The following VPS45 variants were observed in gnomAD, a reference collection of about 807,000 sequenced individuals.
VPS45 encodes the protein vacuolar protein sorting 45 homolog.
Under a neutral mutation model 75.9 loss-of-function variants are expected in VPS45, and 35 were observed. The observed-to-expected ratio is 0.46, with a 90% CI of 0.35 to 0.61. VPS45 has a LOEUF of 0.61. Ranked by LOEUF, VPS45 falls within the 20% of genes least tolerant of loss-of-function variation. The pLI is 0.00. For missense variants in VPS45, 559 were observed against 685.9 expected, an observed-to-expected ratio of 0.81 and a Z score of 2.07; for synonymous variants, 220 against 238.2, an observed-to-expected ratio of 0.92 and a Z score of 0.70.
intron 13 of VPS45, among the ~76,000 whole-genome samples, chr1:150,106,532 G>A (rs1402072300): frequency 1.3e-5 from 2 of 152,006 alleles, no homozygotes; most frequent in Non-Finnish European, 2.9e-5. Flanking sequence ...ATCATCTTAC[G>A]CTAGTCAGAA....
intron 14 of VPS45, among the ~76,000 whole-genome samples, chr1:150,136,176 G>C (rs373491669): frequency 6.7e-6 from 1 of 150,272 alleles, no homozygotes; most frequent in Admixed American, 6.6e-5. Flanking sequence ...TTGAACCTGG[G>C]AGGCAGGGAT....
At chr1:150,095,528 C>T (rs971191860) in intron 13 of VPS45, among the ~76,000 whole-genome samples, 2 of 151,882 alleles carry the variant, frequency 1.3e-5, no homozygotes, top group Non-Finnish European at 2.9e-5. Context: ...GTAGAAGAAT[C>T]GCTTGAACCT....
At chr1:150,127,390 C>G (rs1465470298) in intron 14 of VPS45, among the ~76,000 whole-genome samples, 6 of 151,176 alleles carry the variant, frequency 4.0e-5, no homozygotes, top group Non-Finnish European at 7.4e-5. Context: ...ACACACAGCT[C>G]ACTGTGACAT....
At chr1:150,138,948 T>C (rs1659246824) in intron 14 of VPS45, among the ~76,000 whole-genome samples, 1 of 152,140 alleles carries the variant, frequency 6.6e-6, no homozygotes, top group South Asian at 2.1e-4. Flanking sequence ...ATCTCACACC[T>C]ACATCCTGAC....
Position 150,137,383 on chromosome 1 carries a change from A to C in VPS45, c.1626-7326A>C, listed in dbSNP as rs587605886. ...ACTTTATACTAAGGATGAAGAAAGT[A>C]ATACTCAAGATGTGCACTAACTAGT... On this transcript the variant is annotated intron_variant, in intron 14 of 14. Coordinates refer to ENST00000644510, the MANE Select transcript of VPS45 (RefSeq NM_007259.5). Among the ~76,000 whole-genome samples, 46 of 152,364 alleles carry C rather than the reference A, an allele frequency of 3.0e-4. No homozygotes were observed. In the South Asian group the frequency reaches 8.7e-3, roughly 29 times the overall value.
In VPS45 at chr1:150,082,886, C is replaced by A; in HGVS notation, c.1104+3C>A. ...ATGACCATTCTAGTGCTCTCCAGGT[C>A]AGTCCAATTTGATGAGCACCTACTA... is the stretch of plus-strand genomic sequence containing the variant. On this transcript the variant is annotated splice_donor_region_variant and intron_variant, in intron 10 of 14. Transcript: ENST00000644510. 1 of 1,612,584 alleles carries A rather than the reference C, an allele frequency of 6.2e-7. No individual in the cohort carries two copies. The highest frequency in any genetic ancestry group is 1.1e-5 in the South Asian group (1 of 90,846).
intron 13 of VPS45, among the ~76,000 whole-genome samples, chr1:150,100,053 T>C (rs1051865037): frequency 5.9e-5 from 9 of 152,242 alleles, no homozygotes; most frequent in African/African-American, 1.2e-4. Context: ...GTTAAACTGT[T>C]TTTAGACGAC....
chr1:150,070,756 C>T (rs879997900), intron 2 of VPS45, among the ~76,000 whole-genome samples: 1 of 151,888 alleles, frequency 6.6e-6, no homozygotes, highest in Non-Finnish European at 1.5e-5. Flanking sequence ...TTGCAGTAAG[C>T]TGAGATCACG....
At chr1:150,099,022 C>G in intron 13 of VPS45, 1 of 1,097,366 alleles carries the variant, frequency 9.1e-7, no homozygotes, top group Non-Finnish European at 1.1e-6. Context: ...TGTGAAGCAG[C>G]AGTCCTTTTT....
rs781995499 is a variant in VPS45, at chr1:150,067,833, G to A, written c.-25G>A. The stretch of plus-strand genomic sequence containing the variant: ...GCCAGAAAAGGGGGCGGGAAGGGCT[G>A]TAGGGTACTTGTCAATTCGCCGCCA... On this transcript the variant is annotated 5_prime_UTR_variant, in exon 1 of 15. Coordinates refer to ENST00000644510, the MANE Select transcript of VPS45 (RefSeq NM_007259.5). 5.6e-6 allele frequency: 9 copies of A among 1,611,930 alleles called. 1 individual carries two copies. The South Asian group carries it at 8.8e-5, about 16-fold the overall frequency.
chr1:150,102,247 A>AC (rs1410311117), intron 13 of VPS45, among the ~76,000 whole-genome samples: 2 of 148,966 alleles, frequency 1.3e-5, no homozygotes, highest in African/African-American at 5.0e-5. Flanking sequence ...AAAAAAAAAA[A>AC]AAAAAAACAA....
At chr1:150,110,442 A>C in intron 13 of VPS45, 54 bp from the exon 14 acceptor site, 1 of 1,527,294 alleles carries the variant, frequency 6.5e-7, no homozygotes, top group South Asian at 1.2e-5. Context: ...TATGTAAGTC[A>C]CAGTCCTTTT....
chr1:150,077,433 C>G, intron 6 of VPS45: 1 of 799,434 alleles, frequency 1.3e-6, no homozygotes, highest in South Asian at 2.0e-5. Context: ...AAGAAACATT[C>G]ACAAGCTATT....
At chr1:150,097,440 C>T (rs1248810398) in intron 13 of VPS45, among the ~76,000 whole-genome samples, 1 of 150,838 alleles carries the variant, frequency 6.6e-6, no homozygotes, top group Non-Finnish European at 1.5e-5. Flanking sequence ...CTGTATAATC[C>T]TGGGTGCAGT....
chr1:150,104,198 C>T (rs1430714494), intron 13 of VPS45, among the ~76,000 whole-genome samples: 1 of 152,042 alleles, frequency 6.6e-6, no homozygotes. Flanking sequence ...TTTTGGAGTC[C>T]CCCATAGTCT....
intron 10 of VPS45, among the ~76,000 whole-genome samples, chr1:150,091,389 A>G (rs1656318642): frequency 6.6e-6 from 1 of 152,168 alleles, no homozygotes; most frequent in Non-Finnish European, 1.5e-5. Context: ...CCCCTTTCCT[A>G]TCGGTACCTG....
At chr1:150,087,235 T>TTTTGC (rs201317175) in intron 10 of VPS45, among the ~76,000 whole-genome samples, 4 of 152,344 alleles carry the variant, frequency 2.6e-5, no homozygotes, top group Non-Finnish European at 4.4e-5. Context: ...AAGACACTAT[T>TTTTGC]TTTGCTTTGC....
At chr1:150,092,503 A>G in intron 12 of VPS45, 94 bp downstream of exon 12, 1 of 1,030,628 alleles carries the variant, frequency 9.7e-7, no homozygotes, top group South Asian at 1.8e-5. Flanking sequence ...TATCTTGAAG[A>G]TTGCTGCTAA....
At chr1:150,082,034 C>T in intron 9 of VPS45, 37 bp downstream of exon 9, 7 of 1,304,024 alleles carry the variant, frequency 5.4e-6, no homozygotes, top group Non-Finnish European at 6.6e-6. Flanking sequence ...AAACATGTGA[C>T]AGTTTGGTAC....
Sources: gnomAD v4.1 joint callset for allele counts (sites outside exome capture counted in the v4.1 genomes callset) on GRCh38, gnomAD v4.1.1 for gene constraint, MANE v1.5 for transcripts, NCBI Gene and HGNC (gene_info 2026-07-23, HGNC 2026-07-21) for gene names.